The following LRRC36 variants were observed in gnomAD, a reference collection of about 807,000 sequenced individuals.
LRRC36 encodes leucine rich repeat containing 36, also known as leucine-rich repeat-containing protein 36.
Under a neutral mutation model 81.1 loss-of-function variants are expected in LRRC36, and 62 were observed. The ratio of observed to expected loss-of-function variants is 0.76; its 90% CI spans 0.62 to 0.94. The LOEUF is 0.94. Among genes scored for constraint, LRRC36 ranks in the 40% least tolerant of loss-of-function variants. The pLI is 0.00. For synonymous variants in LRRC36, 334 were observed against 348.6 expected (o/e 0.96, Z 0.47); for missense variants, 761 against 881.7 (o/e 0.86, Z 1.73).
intron 1 of LRRC36, among the ~76,000 whole-genome samples, chr16:67,338,697 T>C (rs2037877529): frequency 2.0e-5 from 3 of 152,018 alleles, no homozygotes; most frequent in African/African-American, 4.8e-5. Flanking sequence ...CACTAAGTTA[T>C]GTAGATCTTC....
chr16:67,335,014 C>A (rs533883929), intron 1 of LRRC36, among the ~76,000 whole-genome samples: 1 of 152,062 alleles, frequency 6.6e-6, no homozygotes, highest in Admixed American at 6.6e-5. Flanking sequence ...GGAGGCAGGG[C>A]GAGATCACAG....
rs2037199099 is a variant in LRRC36 at position 67,326,896 on chromosome 16, A to G, written c.34A>G (p.Ile12Val). 1 of 1,471,550 alleles carries G rather than the reference A, an allele frequency of 6.8e-7. No homozygotes were observed. Among genetic ancestry groups the G allele is most frequent in the Non-Finnish European group, 8.9e-7 (1 of 1,123,076 alleles). 91.2% of individuals were successfully genotyped at this position (1,471,550 alleles called of 1,614,324 possible). A position where few individuals can be genotyped will look rare whatever the true frequency, so the allele number is the denominator to read the frequency against. The change falls in exon 1 of 14, where the codon ATT becomes GTT. Residue 12 changes from isoleucine to valine, a missense_variant. Transcript: ENST00000329956. ...GCAATGGGAGCTGGACGAGGAAGGC[A>G]TTCGCCGCCTGGGGGCGCTGACGCT... ...AEQWELDEEG[I>V]RRLGALTLEQ...
intron 5 of LRRC36, among the ~76,000 whole-genome samples, chr16:67,360,116 G>T (rs2039077014): frequency 6.7e-6 from 1 of 149,140 alleles, no homozygotes; most frequent in African/African-American, 2.5e-5. Flanking sequence ...AACAGAGCAA[G>T]ACTCTGTCTC....
Position 67,350,067 on chromosome 16 carries a change from TAATTA to T in LRRC36, c.489-128_489-124del, listed in dbSNP as rs1253982203. 3.5e-5 allele frequency: 20 copies of T among 563,776 alleles called. No individual in the cohort carries two copies. In the Admixed American group the frequency reaches 6.2e-4, roughly 17 times the overall value. 34.9% of individuals were successfully genotyped at this position (563,776 alleles called of 1,614,324 possible). ...TGAGCCACTGTGCCCGGCTGAAACA[TAATTA>T]AATTAATATGTTCTAGAGCATTTGA... On this transcript the variant is annotated intron_variant, in intron 4 of 13. Transcript: ENST00000329956.
Position 67,342,069 on chromosome 16 carries a change from G to A in LRRC36, c.183G>A (p.Leu61=), listed in dbSNP as rs146783900. 6.2e-7 allele frequency: 1 copy of A among 1,606,980 alleles called. No homozygotes were observed. Among genetic ancestry groups the A allele is most frequent in the African/African-American group, 1.3e-5 (1 of 74,826 alleles). The change falls in exon 2 of 14, where the codon TTG becomes TTA. Residue 61 remains leucine (L), a synonymous_variant. Transcript: ENST00000329956. ...NLRSLDLSRN[L]ITSLKGIQYL... The stretch of plus-strand genomic sequence containing the variant: ...GATCCTTAGATTTATCAAGGAATTT[G>A]ATCACTAGCCTTAAGGTAAGTTATA...
At position 67,326,851 on chromosome 16, in the gene LRRC36, C is replaced by A. The variant is rs376988097; in HGVS notation, c.-12C>A. On this transcript the variant is annotated 5_prime_UTR_variant, in exon 1 of 14. Coordinates refer to ENST00000329956, the MANE Select transcript of LRRC36 (RefSeq NM_018296.6). ...GGTCTCGCGGGCGGTGGCAGGTGAG[C>A]GGCGGGCGGGGATGGCGGAGCAATG... 2.2e-5 allele frequency: 32 copies of A among 1,425,388 alleles called. No homozygotes were observed. Among genetic ancestry groups the A allele is most frequent in the Non-Finnish European group, 2.8e-5 (31 of 1,098,512 alleles). 88.3% of individuals were successfully genotyped at this position (1,425,388 alleles called of 1,614,324 possible).
At chr16:67,338,957 C>T (rs1230724590) in intron 1 of LRRC36, among the ~76,000 whole-genome samples, 3 of 125,402 alleles carry the variant, frequency 2.4e-5, no homozygotes, top group East Asian at 2.7e-4. Context: ...TGCAGTGATG[C>T]GATCTTGGCT....
chr16:67,340,513 G>A lies in LRRC36; in HGVS notation c.71-1444G>A, dbSNP rs566421820. Among the ~76,000 whole-genome samples, 87 of 151,660 alleles carry A rather than the reference G, an allele frequency of 5.7e-4. No homozygotes were observed. The Middle Eastern group carries it at 0.024, about 42-fold the overall frequency. ...CTACCTAAAATACAAAAAATTAGCC[G>A]GGTGTGGTGGTGCACACCTGTGTTC... On this transcript the variant is annotated intron_variant, in intron 1 of 13. Transcript: ENST00000329956.
At chr16:67,363,006 C>T (rs551996343) in intron 5 of LRRC36, among the ~76,000 whole-genome samples, 1 of 152,268 alleles carries the variant, frequency 6.6e-6, no homozygotes, top group African/African-American at 2.4e-5. Flanking sequence ...TGGTCTCGAA[C>T]TCCTAACCTC....
At chr16:67,335,913 G>T (rs1225946866) in intron 1 of LRRC36, among the ~76,000 whole-genome samples, 4 of 152,070 alleles carry the variant, frequency 2.6e-5, no homozygotes, top group Non-Finnish European at 4.4e-5. Flanking sequence ...TGTATTTTTA[G>T]TAGAGACAGG....
chr16:67,385,164 T>A lies in LRRC36; in HGVS notation c.*75T>A. 15 of 1,042,322 alleles carry A rather than the reference T, an allele frequency of 1.4e-5. No individual in the cohort carries two copies. The highest frequency in any genetic ancestry group is 2.0e-5 in the Non-Finnish European group (14 of 683,950). 64.6% of individuals were successfully genotyped at this position (1,042,322 alleles called of 1,614,324 possible). A position where few individuals can be genotyped will look rare whatever the true frequency, so the allele number is the denominator to read the frequency against. On this transcript the variant is annotated 3_prime_UTR_variant, in exon 14 of 14. Coordinates refer to ENST00000329956, the MANE Select transcript of LRRC36 (RefSeq NM_018296.6). ...ACCGCCATTGCCACCAGTATGGTGG[T>A]ATGTACTCACAAAGATTAAGAAAGA...
At chr16:67,326,972 G>A (rs1365436067) in intron 1 of LRRC36, 40 bp downstream of exon 1, 1 of 1,472,350 alleles carries the variant, frequency 6.8e-7, no homozygotes. Context: ...GGAACGTAGG[G>A]TCAGAAGCTG....
rs758211590 is a variant in LRRC36 at position 67,326,831 on chromosome 16, C to A, written c.-32C>A. On this transcript the variant is annotated 5_prime_UTR_variant, in exon 1 of 14. Coordinates refer to ENST00000329956, the MANE Select transcript of LRRC36 (RefSeq NM_018296.6). Reference sequence around the variant, plus strand: ...GGGCCTGGCGTGCGCCGGGTGGTCTCGCGGGCGGTGGCAGGTGAGCGGCGG... The same window carrying A: ...GGGCCTGGCGTGCGCCGGGTGGTCTAGCGGGCGGTGGCAGGTGAGCGGCGG... 6 of 1,407,698 alleles carry A rather than the reference C, an allele frequency of 4.3e-6. No homozygotes were observed. The highest frequency in any genetic ancestry group is 1.9e-4 in the Middle Eastern group (1 of 5,134). The allele number at this position is 1,407,698 out of a possible 1,614,324, so 87.2% of individuals were successfully genotyped here. A position where few individuals can be genotyped will look rare whatever the true frequency, so the allele number is the denominator to read the frequency against.
chr16:67,376,047 C>T (rs1010675488), intron 10 of LRRC36, among the ~76,000 whole-genome samples: 1 of 152,228 alleles, frequency 6.6e-6, no homozygotes, highest in Non-Finnish European at 1.5e-5. Context: ...CGGTGACTAA[C>T]GCCTGTAATC....
rs1173581516 is a variant in LRRC36, at chr16:67,355,559, A to G, written c.577+5269A>G. ...CCGGCTAATTTTTTGTATTTTTAGT[A>G]GAGACGGGGTTTCACTGTTTTAGCC... On this transcript the variant is annotated intron_variant, in intron 5 of 13. Coordinates refer to ENST00000329956, the MANE Select transcript of LRRC36 (RefSeq NM_018296.6). Among the ~76,000 whole-genome samples the G allele has an allele frequency of 3.3e-5, 5 of 151,532 alleles. No individual in the cohort carries two copies. The East Asian group carries it at 9.7e-4, about 29-fold the overall frequency.
rs774498283 is a variant in LRRC36 at position 67,385,001 on chromosome 16, C to T, written c.2177C>T (p.Thr726Met). Residue 726 changes from threonine (T) to methionine (M), a missense_variant, in exon 14 of 14, where the codon ACG becomes ATG. Physicochemically the swap from Thr to Met is moderately conservative, Grantham distance 81. Around this residue, in one of 3 missense-constraint regions of LRRC36, gnomAD observed 359 missense variants for 388.4 expected, o/e 0.92. Coordinates refer to ENST00000329956, the MANE Select transcript of LRRC36 (RefSeq NM_018296.6). ...LGRSSPFGKS[T>M]LSSSSPVAHE... Reference sequence around the variant, plus strand: ...AGATCATCGCCCTTTGGGAAAAGCACGTTGTCTTCCTCCTCACCAGTGGCA... The same window carrying T: ...AGATCATCGCCCTTTGGGAAAAGCATGTTGTCTTCCTCCTCACCAGTGGCA... 6.2e-6 allele frequency: 10 copies of T among 1,614,196 alleles called. No homozygotes were observed. Among genetic ancestry groups the T allele is most frequent in the South Asian group, 4.4e-5 (4 of 91,082 alleles).
intron 11 of LRRC36, among the ~76,000 whole-genome samples, chr16:67,377,384 G>A (rs1328223712): frequency 3.9e-5 from 6 of 152,260 alleles, no homozygotes; most frequent in Non-Finnish European, 7.4e-5. Context: ...AGCCTCGAGC[G>A]CAGTGGCACG....
chr16:67,326,881 C>A lies in LRRC36; in HGVS notation c.19C>A (p.Leu7Met). The A allele has an allele frequency of 6.9e-7, 1 of 1,456,310 alleles. No individual in the cohort carries two copies. Among genetic ancestry groups the A allele is most frequent in the Non-Finnish European group, 9.0e-7 (1 of 1,115,462 alleles). The allele number at this position is 1,456,310 out of a possible 1,614,324, so 90.2% of individuals were successfully genotyped here. A position where few individuals can be genotyped will look rare whatever the true frequency, so the allele number is the denominator to read the frequency against. The part of the protein sequence containing the change: MAEQWE[L>M]DEEGIRRLGA... ...GGCGGGGATGGCGGAGCAATGGGAG[C>A]TGGACGAGGAAGGCATTCGCCGCCT... The change falls in exon 1 of 14, where the codon CTG becomes ATG. Residue 7 changes from leucine (L) to methionine (M), a missense_variant. Physicochemically the swap from Leu to Met is conservative, Grantham distance 15 (BLOSUM62 2). This residue lies in a region of LRRC36 where 263 missense variants were observed against 279.3 expected (regional missense o/e 0.94). Transcript: ENST00000329956.
At chr16:67,347,180 C>T (rs1241324466) in intron 3 of LRRC36, among the ~76,000 whole-genome samples, 1 of 152,112 alleles carries the variant, frequency 6.6e-6, no homozygotes, top group African/African-American at 2.4e-5. Flanking sequence ...TGTAGGGAAA[C>T]TAAGTAAACT....
Sources: gnomAD v4.1 joint callset for allele counts (sites outside exome capture counted in the v4.1 genomes callset) on GRCh38, gnomAD v4.1.1 for gene constraint, gnomAD v4.1.1 regional missense constraint, MANE v1.5 for transcripts, NCBI Gene and HGNC (gene_info 2026-07-23, HGNC 2026-07-21) for gene names.